The following MRGPRF variants were observed in gnomAD, a reference collection of about 807,000 sequenced individuals.
MRGPRF encodes mas-related G protein-coupled receptor member F.
MRGPRF carries 2 observed loss-of-function variants against 3.3 expected under a neutral mutation model. That is an observed-to-expected ratio of 0.61 (90% CI 0.25 to 1.92). MRGPRF has a LOEUF of 1.92. Ranked by LOEUF, MRGPRF falls within the 40% of genes most tolerant of loss-of-function variation. The pLI is 0.16. For synonymous variants in MRGPRF, 242 were observed against 222.7 expected (o/e 1.09, Z -0.77); for missense variants, 500 against 476.0 (o/e 1.05, Z -0.47).
rs780271866 is a variant in MRGPRF, at chr11:69,006,035, T to C, written c.275A>G (p.Tyr92Cys). The C allele has an allele frequency of 6.3e-7, 1 of 1,579,302 alleles. No homozygotes were observed. The highest frequency in any genetic ancestry group is 1.2e-5 in the South Asian group (1 of 86,878). Reference protein sequence around the residue: ...FLHLASADVGYLFSKAVFSIL... With the variant: ...FLHLASADVGCLFSKAVFSIL... ...GGAGAACACCGCCTTGCTGAAGAGG[T>C]AGCCCACATCGGCGCTGGCCAGGTG... is the stretch of plus-strand genomic sequence containing the variant. The change falls in exon 3 of 3, where the codon TAC (tyrosine) becomes TGC (cysteine). Residue 92 changes from tyrosine to cysteine, a missense_variant. Coordinates refer to ENST00000309099, the MANE Select transcript of MRGPRF (RefSeq NM_145015.5).
At position 69,009,564 on chromosome 11, in the gene MRGPRF, T is replaced by C. The variant is rs565255104; in HGVS notation, c.48+290A>G. On this transcript the variant is annotated intron_variant, in intron 2 of 2. Transcript: ENST00000309099. ...CTGCCCCACCTCTGCAGGGAAGAGA[T>C]GAAACAAGACCTTGCAAGGATGCTA... 69 of 592,580 alleles carry C rather than the reference T, an allele frequency of 1.2e-4. No homozygotes were observed. In the South Asian group the frequency reaches 1.3e-3, roughly 11 times the overall value. The allele number at this position is 592,580 out of a possible 1,614,324, so 36.7% of individuals were successfully genotyped here. A position where few individuals can be genotyped will look rare whatever the true frequency, so the allele number is the denominator to read the frequency against.
chr11:69,006,592 T>C (rs1399059255), intron 2 of MRGPRF, among the ~76,000 whole-genome samples: 1 of 148,690 alleles, frequency 6.7e-6, no homozygotes, highest in African/African-American at 2.5e-5. Flanking sequence ...AACGTCCAAG[T>C]CGCACAAAAA....
At chr11:69,011,037 C>T (rs1860585029) in intron 1 of MRGPRF, among the ~76,000 whole-genome samples, 1 of 152,148 alleles carries the variant, frequency 6.6e-6, no homozygotes, top group African/African-American at 2.4e-5. Context: ...TGCCGGGCCC[C>T]TCCTCTCCCA....
chr11:69,006,619 CTT>C (rs11326908), intron 2 of MRGPRF, among the ~76,000 whole-genome samples: 56 of 107,906 alleles, frequency 5.2e-4, no homozygotes, highest in East Asian at 1.2e-3. Flanking sequence ...GAGCCTTTCC[CTT>C]TTTTTTTTTT....
At chr11:69,007,030 A>C (rs1860505166) in intron 2 of MRGPRF, among the ~76,000 whole-genome samples, 1 of 152,220 alleles carries the variant, frequency 6.6e-6, no homozygotes, top group African/African-American at 2.4e-5. Context: ...CGTTGGGACC[A>C]CTGGGGAAAT....
Position 69,004,998 on chromosome 11 carries a change from A to C in MRGPRF, c.*280T>G. 1 of 397,374 alleles carries C rather than the reference A, an allele frequency of 2.5e-6. No homozygotes were observed. Among genetic ancestry groups the C allele is most frequent in the Non-Finnish European group, 4.5e-6 (1 of 223,330 alleles). 24.6% of individuals were successfully genotyped at this position (397,374 alleles called of 1,614,324 possible). On this transcript the variant is annotated 3_prime_UTR_variant, in exon 3 of 3. Transcript: ENST00000309099. ...CTCTTTTACCAACCAGCCTAGGGCA[A>C]GGAGGGGCCCCACCACCTGGGGGCA...
At chr11:69,008,726 C>A (rs1456089747) in intron 2 of MRGPRF, among the ~76,000 whole-genome samples, 1 of 152,230 alleles carries the variant, frequency 6.6e-6, no homozygotes, top group Non-Finnish European at 1.5e-5. Context: ...CCTGGACACT[C>A]TTCTGGGCTG....
intron 2 of MRGPRF, among the ~76,000 whole-genome samples, chr11:69,008,922 C>T (rs1296779061): frequency 6.6e-6 from 1 of 152,226 alleles, no homozygotes; most frequent in Admixed American, 6.5e-5. Flanking sequence ...CCGGGTGAGT[C>T]ACTGGGCGTG....
At chr11:69,009,984 A>G in intron 1 of MRGPRF, 27 bp from the exon 2 acceptor site, 1 of 1,482,534 alleles carries the variant, frequency 6.7e-7, no homozygotes, top group Non-Finnish European at 9.1e-7. Context: ...GAGAGGGTGG[A>G]TGAGGACAGC....
chr11:69,005,850 G>T lies in MRGPRF; in HGVS notation c.460C>A (p.Arg154=). Residue 154 remains arginine, a synonymous_variant, in exon 3 of 3, where the codon CGG becomes AGG. Coordinates refer to ENST00000309099, the MANE Select transcript of MRGPRF (RefSeq NM_145015.5). ...ACGGCCGACAGGCGCTTGGGCCGCC[G>T]GCGCCAGTACCAGGCGGGGAAGATG... ...SVIFPAWYWR[R]RPKRLSAVVC... is the part of the protein sequence containing the mutation. 2.6e-6 allele frequency: 4 copies of T among 1,543,134 alleles called. No homozygotes were observed. Among genetic ancestry groups the T allele is most frequent in the Non-Finnish European group, 3.5e-6 (4 of 1,146,470 alleles).
chr11:69,007,481 T>G (rs1860513111), intron 2 of MRGPRF, among the ~76,000 whole-genome samples: 1 of 152,200 alleles, frequency 6.6e-6, no homozygotes, highest in African/African-American at 2.4e-5. Flanking sequence ...GTGCTGGGAT[T>G]AGAGGCGTGA....
chr11:69,009,760 A>AG lies in MRGPRF; in HGVS notation c.48+93dup, dbSNP rs748418759. On this transcript the variant is annotated intron_variant, in intron 2 of 2. Coordinates refer to ENST00000309099, the MANE Select transcript of MRGPRF (RefSeq NM_145015.5). ...CCAGAGCTGGAAAGTGGGGCCAGGA[A>AG]GGGGGGGATGGGGGAGGAGATGCTG... 17 of 1,179,186 alleles carry AG rather than the reference A, an allele frequency of 1.4e-5. 1 individual carries two copies. Among genetic ancestry groups the AG allele is most frequent in the South Asian group, 4.9e-5 (4 of 82,458 alleles). 73.0% of individuals were successfully genotyped at this position (1,179,186 alleles called of 1,614,324 possible). A position where few individuals can be genotyped will look rare whatever the true frequency, so the allele number is the denominator to read the frequency against.
Position 69,006,244 on chromosome 11 carries a change from G to T in MRGPRF, c.66C>A (p.Ser22Arg), listed in dbSNP as rs376550077. The T allele has an allele frequency of 1.3e-5, 21 of 1,611,248 alleles. No homozygotes were observed. Among genetic ancestry groups the T allele is most frequent in the Non-Finnish European group, 1.8e-5 (21 of 1,179,726 alleles). Residue 22 changes from serine (S) to arginine (R), a missense_variant, in exon 3 of 3, where the codon AGC becomes AGA. Ser to Arg is a moderately radical substitution (Grantham distance 110). Coordinates refer to ENST00000309099, the MANE Select transcript of MRGPRF (RefSeq NM_145015.5). Reference protein sequence around the residue: ...GNRNKMCPGLSEAPELYSRGF... With the variant: ...GNRNKMCPGLREAPELYSRGF... The stretch of plus-strand genomic sequence containing the variant: ...CCCGGCTGTAGAGTTCCGGGGCCTC[G>T]CTCAGGCCAGGGCACATCTGCGCAG...
At chr11:69,010,657 C>T (rs1389856784) in intron 1 of MRGPRF, among the ~76,000 whole-genome samples, 3 of 152,204 alleles carry the variant, frequency 2.0e-5, no homozygotes, top group African/African-American at 7.2e-5. Flanking sequence ...CACCCATAGC[C>T]ACACCATGCC....
chr11:69,009,933 G>T lies in MRGPRF; in HGVS notation c.-32C>A. 1.3e-6 allele frequency: 2 copies of T among 1,590,986 alleles called. No individual in the cohort carries two copies. Among genetic ancestry groups the T allele is most frequent in the Non-Finnish European group, 1.7e-6 (2 of 1,173,178 alleles). ...GCCTGGCGCGTCTGGGCCCCTGCTG[G>T]CAGCTCACCAGTCTGCACACCCACC... On this transcript the variant is annotated 5_prime_UTR_variant, in exon 2 of 3. Coordinates refer to ENST00000309099, the MANE Select transcript of MRGPRF (RefSeq NM_145015.5).
At position 69,005,182 on chromosome 11, in the gene MRGPRF, T is replaced by G. The variant is rs1860443739; in HGVS notation, c.*96A>C. ...GAGGAGAGGAAACAGATCTTTCTTCTCCTGTATGGACTCAGAAGCAGGTGC... is the reference window on the plus strand; with the variant it reads ...GAGGAGAGGAAACAGATCTTTCTTCGCCTGTATGGACTCAGAAGCAGGTGC... On this transcript the variant is annotated 3_prime_UTR_variant, in exon 3 of 3. Coordinates refer to ENST00000309099, the MANE Select transcript of MRGPRF (RefSeq NM_145015.5). The G allele has an allele frequency of 7.3e-7, 1 of 1,376,038 alleles. No homozygotes were observed. The highest frequency in any genetic ancestry group is 2.9e-5 in the Admixed American group (1 of 34,506). 85.2% of individuals were successfully genotyped at this position (1,376,038 alleles called of 1,614,324 possible).
At chr11:69,007,560 TAGAG>T (rs1452538565) in intron 2 of MRGPRF, among the ~76,000 whole-genome samples, 2 of 152,206 alleles carry the variant, frequency 1.3e-5, no homozygotes, top group African/African-American at 4.8e-5. Flanking sequence ...TGTCAAGAGA[TAGAG>T]AGAAAGCACT....
chr11:69,005,103 C>T lies in MRGPRF; in HGVS notation c.*175G>A. The T allele has an allele frequency of 1.3e-6, 1 of 768,986 alleles. No individual in the cohort carries two copies. Among genetic ancestry groups the T allele is most frequent in the African/African-American group, 1.8e-5 (1 of 56,636 alleles). 47.6% of individuals were successfully genotyped at this position (768,986 alleles called of 1,614,324 possible). A position where few individuals can be genotyped will look rare whatever the true frequency, so the allele number is the denominator to read the frequency against. On this transcript the variant is annotated 3_prime_UTR_variant, in exon 3 of 3. Coordinates refer to ENST00000309099, the MANE Select transcript of MRGPRF (RefSeq NM_145015.5). ...GGCCACAGGGTCTGTTTGCTGGTGG[C>T]TGCCCAGTCTCCCAGCCACCCCTGG... is the stretch of plus-strand genomic sequence containing the variant.
chr11:69,008,173 C>T (rs956274908), intron 2 of MRGPRF, among the ~76,000 whole-genome samples: 4 of 152,120 alleles, frequency 2.6e-5, no homozygotes, highest in Admixed American at 6.6e-5. Flanking sequence ...GTGGAACACC[C>T]GATCTTTAAA....
Sources: gnomAD v4.1 joint callset for allele counts (sites outside exome capture counted in the v4.1 genomes callset) on GRCh38, gnomAD v4.1.1 for gene constraint, MANE v1.5 for transcripts, NCBI Gene and HGNC (gene_info 2026-07-23, HGNC 2026-07-21) for gene names.